ARHGEF28: variants seen among roughly 807,000 people sequenced by gnomAD.
ARHGEF28 encodes the protein 190 kDa guanine nucleotide exchange factor.
A neutral mutation model predicts 206.6 loss-of-function variants in ARHGEF28; 152 were observed. The ratio of observed to expected loss-of-function variants is 0.74; its 90% CI spans 0.64 to 0.84. The LOEUF (loss-of-function observed/expected upper bound fraction) is 0.84, where lower values mean the gene tolerates loss of function less well. ARHGEF28 is among the 40% of genes least tolerant of loss of function. The pLI, the probability that ARHGEF28 is intolerant of heterozygous loss-of-function variation, is 0.00. For missense variants in ARHGEF28, 2,028 were observed against 2,073.2 expected, an observed-to-expected ratio of 0.98 and a Z score of 0.42; for synonymous variants, 763 against 776.4, an observed-to-expected ratio of 0.98 and a Z score of 0.29.
intron 1 of ARHGEF28, among the ~76,000 whole-genome samples, chr5:73,652,331 G>T (rs1744886365): frequency 1.3e-5 from 2 of 152,194 alleles, no homozygotes; most frequent in Admixed American, 6.5e-5. Context: ...CATCAGAGAG[G>T]GCTTCATGGA....
chr5:73,890,773 A>C (rs1307196824), intron 26 of ARHGEF28, among the ~76,000 whole-genome samples: 1 of 152,180 alleles, frequency 6.6e-6, no homozygotes, highest in Admixed American at 6.5e-5. Flanking sequence ...GGTGAAGCAA[A>C]ACCACACACT....
At position 73,909,469 on chromosome 5, in the gene ARHGEF28, C is replaced by A. The variant is rs1209790911; in HGVS notation, c.4219C>A (p.Gln1407Lys). 4 of 1,612,962 alleles carry A rather than the reference C, an allele frequency of 2.5e-6. No individual in the cohort carries two copies. Among genetic ancestry groups the A allele is most frequent in the Non-Finnish European group, 3.4e-6 (4 of 1,179,678 alleles). Residue 1407 changes from glutamine (Q) to lysine (K), a missense_variant, in exon 34 of 36, where the codon CAG becomes AAG. Transcript: ENST00000513042. ...GATCCACAGGCTGGTTCTCCAGCAG[C>A]AGGAGGGCCTGTCTCTCGGCCACTC... ...IEIHRLVLQQ[Q>K]EGLSLGHSIL... is the part of the protein sequence containing the mutation.
At chr5:73,658,139 T>TA (rs35220235) in intron 1 of ARHGEF28, among the ~76,000 whole-genome samples, 56,470 of 146,340 alleles carry the variant, frequency 0.39, 11,470 homozygotes, top group Admixed American at 0.54. Flanking sequence ...GTCCTTTTTT[T>TA]AAAAAAAAAA....
At chr5:73,724,933 A>C (rs1371338548) in intron 2 of ARHGEF28, among the ~76,000 whole-genome samples, 1 of 152,208 alleles carries the variant, frequency 6.6e-6, no homozygotes, top group Non-Finnish European at 1.5e-5. Flanking sequence ...TCTAGGTCGT[A>C]TGGTAAGTTT....
intron 35 of ARHGEF28, among the ~76,000 whole-genome samples, chr5:73,912,616 T>C (rs1023739754): frequency 6.6e-6 from 1 of 152,222 alleles, no homozygotes; most frequent in Non-Finnish European, 1.5e-5. Flanking sequence ...GTGGTAACAT[T>C]CTTCTTTCTT....
At chr5:73,804,835 T>A (rs1256530498) in intron 9 of ARHGEF28, among the ~76,000 whole-genome samples, 1 of 152,216 alleles carries the variant, frequency 6.6e-6, no homozygotes, top group Non-Finnish European at 1.5e-5. Context: ...TTGACCTTGA[T>A]CACCTGGCTG....
chr5:73,707,104 C>G (rs1451933164), intron 2 of ARHGEF28, among the ~76,000 whole-genome samples: 5 of 152,128 alleles, frequency 3.3e-5, no homozygotes, highest in Non-Finnish European at 7.4e-5. Flanking sequence ...CAGGTCCTCC[C>G]CTTGGACTGT....
chr5:73,664,373 G>C (rs1745810795), intron 1 of ARHGEF28, among the ~76,000 whole-genome samples: 1 of 152,182 alleles, frequency 6.6e-6, no homozygotes, highest in Non-Finnish European at 1.5e-5. Flanking sequence ...AATGGAGTTG[G>C]GTGATTGGGA....
At chr5:73,852,864 T>C (rs1758791599) in intron 14 of ARHGEF28, among the ~76,000 whole-genome samples, 172 bp downstream of exon 14, 1 of 152,156 alleles carries the variant, frequency 6.6e-6, no homozygotes, top group South Asian at 2.1e-4. Context: ...CTGCCAGCCC[T>C]CCCCTTTCAG....
At chr5:73,825,283 A>G (rs1263026324) in intron 9 of ARHGEF28, among the ~76,000 whole-genome samples, 1 of 152,220 alleles carries the variant, frequency 6.6e-6, no homozygotes, top group Non-Finnish European at 1.5e-5. Flanking sequence ...CTCTTTGGTA[A>G]GATGACACTG....
At chr5:73,689,068 C>G (rs1052589786) in intron 2 of ARHGEF28, among the ~76,000 whole-genome samples, 4 of 152,214 alleles carry the variant, frequency 2.6e-5, no homozygotes, top group African/African-American at 9.7e-5. Context: ...GTAGCTTTGT[C>G]AAATCTTGGC....
chr5:73,734,781 A>G lies in ARHGEF28; in HGVS notation c.34-15056A>G, dbSNP rs147093069. Among the ~76,000 whole-genome samples the G allele has an allele frequency of 1.8e-3, 274 of 152,292 alleles. 2 individuals are homozygous for G. The highest frequency in any genetic ancestry group is 6.3e-3 in the African/African-American group (262 of 41,566). On this transcript the variant is annotated intron_variant, in intron 2 of 35. Coordinates refer to ENST00000513042, the MANE Select transcript of ARHGEF28 (RefSeq NM_001177693.2). ...AGAGTGAACTGTCTTCAGGATAAAA[A>G]TACTTCTGTTTTTTCTTTTTCTTTT... is the stretch of plus-strand genomic sequence containing the variant.
intron 35 of ARHGEF28, 62 bp from the exon 36 acceptor site, chr5:73,940,782 A>C: frequency 7.6e-7 from 1 of 1,321,642 alleles, no homozygotes; most frequent in Non-Finnish European, 9.7e-7. Flanking sequence ...CTCTAACGCC[A>C]AGACATCTGC....
chr5:73,937,661 G>A (rs1251401770), intron 35 of ARHGEF28, among the ~76,000 whole-genome samples: 26 of 152,038 alleles, frequency 1.7e-4, no homozygotes, highest in Non-Finnish European at 4.4e-5. Flanking sequence ...ACATTTTTAT[G>A]TCCATCGATT....
intron 2 of ARHGEF28, among the ~76,000 whole-genome samples, chr5:73,734,055 G>T (rs1750762246): frequency 6.6e-6 from 1 of 152,054 alleles, no homozygotes; most frequent in South Asian, 2.1e-4. Flanking sequence ...ATTCATGAAG[G>T]AGCTACCCCC....
At chr5:73,701,474 A>G (rs549206176) in intron 2 of ARHGEF28, among the ~76,000 whole-genome samples, 14 of 152,156 alleles carry the variant, frequency 9.2e-5, no homozygotes, top group Non-Finnish European at 1.8e-4. Context: ...ACTAGCCATT[A>G]AATTGCATGT....
intron 2 of ARHGEF28, among the ~76,000 whole-genome samples, chr5:73,689,630 A>G (rs1011132867): frequency 6.6e-6 from 1 of 152,222 alleles, no homozygotes; most frequent in Admixed American, 6.5e-5. Flanking sequence ...GAGCTTTATA[A>G]TATCACTTTG....
intron 1 of ARHGEF28, among the ~76,000 whole-genome samples, chr5:73,676,518 C>T (rs1455771447): frequency 1.2e-4 from 18 of 152,184 alleles, no homozygotes; most frequent in Admixed American, 1.2e-3. Flanking sequence ...GGATTACAGG[C>T]ATGAACCAAC....
intron 35 of ARHGEF28, among the ~76,000 whole-genome samples, chr5:73,933,829 C>A (rs1764267544): frequency 6.6e-6 from 1 of 151,192 alleles, no homozygotes; most frequent in Non-Finnish European, 1.5e-5. Flanking sequence ...AACATAACCA[C>A]AATATGATCA....
Sources: gnomAD v4.1 joint callset for allele counts (sites outside exome capture counted in the v4.1 genomes callset) on GRCh38, gnomAD v4.1.1 for gene constraint, MANE v1.5 for transcripts, NCBI Gene and HGNC (gene_info 2026-07-23, HGNC 2026-07-21) for gene names.